EEFSEC: variants seen among roughly 807,000 people sequenced by gnomAD.
EEFSEC encodes the protein eukaryotic elongation factor, selenocysteine-tRNA specific.
EEFSEC carries 43 observed loss-of-function variants against 42.1 expected under a neutral mutation model. The ratio of observed to expected loss-of-function variants is 1.02; its 90% confidence interval spans 0.80 to 1.32. The LOEUF is 1.32. EEFSEC is among the 40% of genes most tolerant of loss of function. The pLI is 0.00. For synonymous variants in EEFSEC, 354 were observed against 339.1 expected (o/e 1.04, Z -0.48); for missense variants, 745 against 803.6 (o/e 0.93, Z 0.88).
At chr3:128,197,539 C>G (rs1163339013) in intron 1 of EEFSEC, among the ~76,000 whole-genome samples, 1 of 152,136 alleles carries the variant, frequency 6.6e-6, no homozygotes, top group African/African-American at 2.4e-5. Context: ...ACCTAAAGTG[C>G]TAGGATTACA....
chr3:128,393,255 C>A (rs2067938207), intron 6 of EEFSEC, among the ~76,000 whole-genome samples: 1 of 152,236 alleles, frequency 6.6e-6, no homozygotes, highest in Admixed American at 6.5e-5. Flanking sequence ...CACCACCCCC[C>A]AGGCACCTGC....
In EEFSEC at chr3:128,358,518, C is replaced by T. The variant is rs1576669017; in HGVS notation, c.1600+145C>T. 4.2e-6 allele frequency: 5 copies of T among 1,193,838 alleles called. No individual in the cohort carries two copies. In the South Asian group the frequency reaches 6.2e-5, roughly 15 times the overall value. The allele number at this position is 1,193,838 out of a possible 1,614,324, so 74.0% of individuals were successfully genotyped here. ...CGGGGTGACTTGGCCTGCCTGGCAG[C>T]ATGGCCTCTGGCTGGGAAGCCAGTA... On this transcript the variant is annotated intron_variant, in intron 6 of 6. Transcript: ENST00000254730.
intron 5 of EEFSEC, among the ~76,000 whole-genome samples, chr3:128,345,881 G>A (rs756625906): frequency 3.9e-5 from 6 of 152,198 alleles, no homozygotes; most frequent in Non-Finnish European, 7.3e-5. Context: ...GTGCTCCTAC[G>A]TTTGTGCCAG....
chr3:128,227,691 G>C (rs368464960), intron 1 of EEFSEC, among the ~76,000 whole-genome samples: 14 of 152,310 alleles, frequency 9.2e-5, no homozygotes, highest in East Asian at 3.9e-4. Context: ...GTCTGGGTCC[G>C]GGGGTGAATT....
intron 5 of EEFSEC, among the ~76,000 whole-genome samples, chr3:128,342,846 C>T (rs58986862): frequency 0.16 from 24,266 of 152,294 alleles, 2,410 homozygotes; most frequent in African/African-American, 0.28. Flanking sequence ...CATCCATCCC[C>T]AGCAGCTGTC....
chr3:128,340,922 G>T (rs2067243029), intron 4 of EEFSEC, among the ~76,000 whole-genome samples: 2 of 152,230 alleles, frequency 1.3e-5, no homozygotes, highest in Admixed American at 1.3e-4. Flanking sequence ...CTGGATTGGA[G>T]CAGGGGTGAA....
rs1439584463 is a variant in EEFSEC, at chr3:128,200,219, C to T, written c.316+46396C>T. Among the ~76,000 whole-genome samples, 6 of 152,260 alleles carry T rather than the reference C, an allele frequency of 3.9e-5. No individual in the cohort carries two copies. The South Asian group carries it at 8.3e-4, about 21-fold the overall frequency. On this transcript the variant is annotated intron_variant, in intron 1 of 6. Coordinates refer to ENST00000254730, the MANE Select transcript of EEFSEC (RefSeq NM_021937.5). ...TTTCACTCTGGATATATTTATTGTC[C>T]GTCTGCTATGAGCCAGACCTCCAGT...
intron 1 of EEFSEC, among the ~76,000 whole-genome samples, chr3:128,172,025 A>G (rs1036045476): frequency 5.3e-5 from 8 of 152,310 alleles, no homozygotes; most frequent in African/African-American, 1.7e-4. Flanking sequence ...ATTTTATATC[A>G]GGGCCTTAAG....
At chr3:128,244,881 T>C (rs145350562) in intron 1 of EEFSEC, among the ~76,000 whole-genome samples, 38 of 152,328 alleles carry the variant, frequency 2.5e-4, no homozygotes, top group African/African-American at 8.7e-4. Flanking sequence ...TATCATTCCA[T>C]AGTGGTAGAT....
At chr3:128,338,919 G>A (rs1379560811) in intron 4 of EEFSEC, among the ~76,000 whole-genome samples, 1 of 152,182 alleles carries the variant, frequency 6.6e-6, no homozygotes, top group Non-Finnish European at 1.5e-5. Context: ...CCATGAGGTA[G>A]ACGATGGGAG....
chr3:128,208,323 T>G (rs1044077359), intron 1 of EEFSEC, among the ~76,000 whole-genome samples: 2 of 152,220 alleles, frequency 1.3e-5, no homozygotes, highest in African/African-American at 4.8e-5. Flanking sequence ...GACCTGCGCT[T>G]CTTTTTCTCC....
intron 3 of EEFSEC, 118 bp from the exon 4 acceptor site, chr3:128,264,499 C>G (rs762172424): frequency 1.7e-5 from 20 of 1,192,948 alleles, no homozygotes; most frequent in Non-Finnish European, 2.4e-5. Flanking sequence ...GACCTCTGAG[C>G]TGAGTTCACC....
chr3:128,274,480 G>A (rs1430267692), intron 4 of EEFSEC, among the ~76,000 whole-genome samples: 3 of 152,206 alleles, frequency 2.0e-5, no homozygotes, highest in East Asian at 1.9e-4. Context: ...CAAATGTGGC[G>A]CGGGTAGGGA....
At chr3:128,193,818 C>T (rs1044653056) in intron 1 of EEFSEC, among the ~76,000 whole-genome samples, 7 of 152,210 alleles carry the variant, frequency 4.6e-5, no homozygotes, top group Admixed American at 3.3e-4. Flanking sequence ...CTCTCTTTGC[C>T]TTCCTCCCTC....
intron 4 of EEFSEC, among the ~76,000 whole-genome samples, chr3:128,320,866 G>A (rs1460409783): frequency 6.6e-6 from 1 of 152,194 alleles, no homozygotes; most frequent in East Asian, 1.9e-4. Context: ...GCCCCACTCC[G>A]TCACTGCTGG....
intron 2 of EEFSEC, among the ~76,000 whole-genome samples, chr3:128,252,639 A>C (rs1457454359): frequency 6.7e-6 from 1 of 148,576 alleles, no homozygotes; most frequent in Non-Finnish European, 1.5e-5. Flanking sequence ...TACTATCCCA[A>C]AGGTAAAATT....
At chr3:128,184,314 A>G (rs2065442428) in intron 1 of EEFSEC, among the ~76,000 whole-genome samples, 1 of 152,000 alleles carries the variant, frequency 6.6e-6, no homozygotes, top group African/African-American at 2.4e-5. Flanking sequence ...TCAAACTGCA[A>G]CTCTGTATCC....
At chr3:128,185,213 C>T (rs2065452530) in intron 1 of EEFSEC, among the ~76,000 whole-genome samples, 1 of 151,862 alleles carries the variant, frequency 6.6e-6, no homozygotes, top group Admixed American at 6.6e-5. Flanking sequence ...GGGAATGGCC[C>T]CATCGCTGCT....
chr3:128,218,379 G>A (rs998697571), intron 1 of EEFSEC, among the ~76,000 whole-genome samples: 1 of 152,170 alleles, frequency 6.6e-6, no homozygotes, highest in African/African-American at 2.4e-5. Flanking sequence ...TATCTTAAGT[G>A]CTTGATAGAG....
Sources: allele counts gnomAD v4.1 joint callset (sites outside exome capture counted in the v4.1 genomes callset), GRCh38; gene constraint gnomAD v4.1.1; transcripts MANE v1.5; gene names NCBI Gene and HGNC (gene_info 2026-07-23, HGNC 2026-07-21).